PDLIM5: variants seen among roughly 807,000 people sequenced by gnomAD.
The protein encoded by PDLIM5 is PDZ and LIM domain protein 5.
In PDLIM5, 34 loss-of-function variants were observed where a neutral mutation model predicts 64.2. That is an observed-to-expected ratio of 0.53 (90% CI 0.40 to 0.71). The LOEUF (loss-of-function observed/expected upper bound fraction) is 0.71, where lower values mean the gene tolerates loss of function less well. Among genes scored for constraint, PDLIM5 ranks in the 30% least tolerant of loss-of-function variants. PDLIM5 has a pLI of 0.00. For synonymous variants in PDLIM5, 253 were observed against 269.1 expected, an observed-to-expected ratio of 0.94 and a Z score of 0.59; for missense variants, 683 against 733.6, an observed-to-expected ratio of 0.93 and a Z score of 0.80.
At chr4:94,557,387 G>A (rs79727937) in intron 3 of PDLIM5, among the ~76,000 whole-genome samples, 5 of 152,066 alleles carry the variant, frequency 3.3e-5, no homozygotes, top group Non-Finnish European at 7.4e-5. Flanking sequence ...TTGGCAATGT[G>A]GGCTGTTTTT....
chr4:94,495,562 C>G (rs1437105917), intron 2 of PDLIM5, among the ~76,000 whole-genome samples: 1 of 151,480 alleles, frequency 6.6e-6, no homozygotes, highest in African/African-American at 2.4e-5. Context: ...ATGCTAGGAA[C>G]AGGCATGGTA....
At chr4:94,506,174 G>A (rs1415411881) in intron 2 of PDLIM5, among the ~76,000 whole-genome samples, 1 of 152,172 alleles carries the variant, frequency 6.6e-6, no homozygotes, top group South Asian at 2.1e-4. Context: ...GCCAAGTGTG[G>A]GAAGTACTGC....
At chr4:94,518,079 T>G (rs575873312) in intron 2 of PDLIM5, among the ~76,000 whole-genome samples, 1 of 152,330 alleles carries the variant, frequency 6.6e-6, no homozygotes, top group East Asian at 1.9e-4. Context: ...TAGACAATTC[T>G]AAGACATTGG....
intron 2 of PDLIM5, among the ~76,000 whole-genome samples, chr4:94,460,849 G>A (rs1723814541): frequency 6.6e-6 from 1 of 152,080 alleles, no homozygotes; most frequent in Admixed American, 6.6e-5. Context: ...TGATGTATGG[G>A]AAATGCTTTA....
intron 7 of PDLIM5, among the ~76,000 whole-genome samples, chr4:94,606,643 G>C (rs1381308225): frequency 6.6e-6 from 1 of 152,196 alleles, no homozygotes; most frequent in Non-Finnish European, 1.5e-5. Flanking sequence ...CAACAGACAT[G>C]ATGGCATTTG....
intron 3 of PDLIM5, among the ~76,000 whole-genome samples, chr4:94,545,441 A>G (rs1298861566): frequency 6.6e-6 from 1 of 152,056 alleles, no homozygotes; most frequent in Non-Finnish European, 1.5e-5. Context: ...TTTCCGGGGG[A>G]AAAAAGGATC....
Position 94,576,043 on chromosome 4 carries a change from C to G in PDLIM5, c.710+9C>G. On this transcript the variant is annotated intron_variant, in intron 5 of 12. Coordinates refer to ENST00000317968, the MANE Select transcript of PDLIM5 (RefSeq NM_006457.5). ...AGTAAACAGCAAAATGGGTAGGTGG[C>G]TAAGGTGCTTTCTGCTCTTACTAAA... The G allele has an allele frequency of 6.2e-7, 1 of 1,605,344 alleles. No homozygotes were observed. Among genetic ancestry groups the G allele is most frequent in the Non-Finnish European group, 8.5e-7 (1 of 1,173,666 alleles).
rs1743062154 is a variant in PDLIM5 at position 94,665,955 on chromosome 4, ATC to A, written c.*1889_*1890del. The A allele has an allele frequency of 2.0e-6, 3 of 1,525,414 alleles. No homozygotes were observed. The highest frequency in any genetic ancestry group is 1.4e-5 in the African/African-American group (1 of 72,600). 94.5% of individuals were successfully genotyped at this position (1,525,414 alleles called of 1,614,324 possible). A position where few individuals can be genotyped will look rare whatever the true frequency, so the allele number is the denominator to read the frequency against. On this transcript the variant is annotated 3_prime_UTR_variant, in exon 13 of 13. Transcript: ENST00000317968. ...GGAAACAATTGTGGTAAAACTGTGG[ATC>A]CTGTTGCTATTTGCCCAGTGAGAAA...
At chr4:94,580,893 A>C (rs780254444) in intron 5 of PDLIM5, among the ~76,000 whole-genome samples, 19 of 152,140 alleles carry the variant, frequency 1.2e-4, no homozygotes, top group Non-Finnish European at 2.2e-4. Flanking sequence ...ATTGAATTGA[A>C]GCTATGTGAA....
At position 94,572,223 on chromosome 4, in the gene PDLIM5, G is replaced by A. The variant is rs1056323893; in HGVS notation, c.249-1128G>A. On this transcript the variant is annotated intron_variant, in intron 3 of 12. Transcript: ENST00000317968. The stretch of plus-strand genomic sequence containing the variant: ...CTTACATTTCTTGAATTCTGTGCTT[G>A]GTGTGTTATCCTCCAGCTAGTGTGA... Among the ~76,000 whole-genome samples, 6 of 152,146 alleles carry A rather than the reference G, an allele frequency of 3.9e-5. No homozygotes were observed. In the South Asian group the frequency reaches 1.0e-3, roughly 26 times the overall value.
chr4:94,660,036 C>G lies in PDLIM5; in HGVS notation c.1586-2386C>G, dbSNP rs1179141165. On this transcript the variant is annotated intron_variant, in intron 11 of 12. Coordinates refer to ENST00000317968, the MANE Select transcript of PDLIM5 (RefSeq NM_006457.5). Reference sequence around the variant, plus strand: ...CTCACCTCTCAAGTGGCTGGGATTACAGGCACCTGTCACCACTCCCGGCTA... The same window carrying G: ...CTCACCTCTCAAGTGGCTGGGATTAGAGGCACCTGTCACCACTCCCGGCTA... 2.0e-5 allele frequency among the ~76,000 whole-genome samples: 3 copies of G among 151,688 alleles called. No individual in the cohort carries two copies. In the East Asian group the frequency reaches 5.8e-4, roughly 30 times the overall value.
chr4:94,516,467 TATC>T (rs1197645172), intron 2 of PDLIM5, among the ~76,000 whole-genome samples: 1 of 151,980 alleles, frequency 6.6e-6, no homozygotes, highest in African/African-American at 2.4e-5. Flanking sequence ...CAAAAAGCCT[TATC>T]ATTTTATTTC....
At chr4:94,515,115 G>A (rs915092032) in intron 2 of PDLIM5, among the ~76,000 whole-genome samples, 1 of 152,064 alleles carries the variant, frequency 6.6e-6, no homozygotes, top group African/African-American at 2.4e-5. Context: ...TTGTGTTTAC[G>A]TCTGTGTATG....
chr4:94,594,087 C>G (rs895242133), intron 7 of PDLIM5, among the ~76,000 whole-genome samples: 1 of 152,044 alleles, frequency 6.6e-6, no homozygotes, highest in Admixed American at 6.6e-5. Flanking sequence ...ATATAAATAT[C>G]AAGACATTAA....
At chr4:94,546,376 T>TTA (rs1404245347) in intron 3 of PDLIM5, among the ~76,000 whole-genome samples, 1 of 152,166 alleles carries the variant, frequency 6.6e-6, no homozygotes, top group African/African-American at 2.4e-5. Context: ...AGCGGAATAG[T>TTA]TGCTCATTGG....
chr4:94,571,151 T>C (rs1734771900), intron 3 of PDLIM5, among the ~76,000 whole-genome samples: 1 of 152,228 alleles, frequency 6.6e-6, no homozygotes, highest in Non-Finnish European at 1.5e-5. Context: ...TTGATAAGAC[T>C]GCTGTTTATT....
At chr4:94,510,126 T>G (rs1457024493) in intron 2 of PDLIM5, among the ~76,000 whole-genome samples, 1 of 152,138 alleles carries the variant, frequency 6.6e-6, no homozygotes, top group African/African-American at 2.4e-5. Flanking sequence ...CTGTTACCAG[T>G]GGAAAGAAGA....
At chr4:94,563,037 C>A (rs891046591) in intron 3 of PDLIM5, among the ~76,000 whole-genome samples, 1 of 152,006 alleles carries the variant, frequency 6.6e-6, no homozygotes, top group African/African-American at 2.4e-5. Context: ...ATTCAGTTTT[C>A]TATAAACAAA....
chr4:94,574,568 T>C (rs1735089932), intron 4 of PDLIM5, among the ~76,000 whole-genome samples: 2 of 151,702 alleles, frequency 1.3e-5, no homozygotes, highest in African/African-American at 4.8e-5. Context: ...AGAACCACCA[T>C]TGTATGATTT....
Sources: allele counts gnomAD v4.1 joint callset (sites outside exome capture counted in the v4.1 genomes callset), GRCh38; gene constraint gnomAD v4.1.1; transcripts MANE v1.5; gene names NCBI Gene and HGNC (gene_info 2026-07-23, HGNC 2026-07-21).